Variants in PTPRN2 observed in about 807,000 individuals in gnomAD.
PTPRN2 encodes receptor-type tyrosine-protein phosphatase N2.
A neutral mutation model predicts 118.8 loss-of-function variants in PTPRN2; 74 were observed. The observed-to-expected ratio is 0.62, with a 90% CI of 0.52 to 0.76. PTPRN2 has a LOEUF of 0.76. PTPRN2 is among the 30% of genes least tolerant of loss of function. The pLI, the probability that PTPRN2 is intolerant of heterozygous loss-of-function variation, is 0.00. For synonymous variants in PTPRN2, 641 were observed against 608.0 expected, an observed-to-expected ratio of 1.05 and a Z score of -0.80; for missense variants, 1,481 against 1,394.4, an observed-to-expected ratio of 1.06 and a Z score of -0.99.
Position 157,785,741 on chromosome 7 carries a change from A to G in PTPRN2, c.1789-102804T>C, listed in dbSNP as rs1351831292. On this transcript the variant is annotated intron_variant, in intron 12 of 22. Coordinates refer to ENST00000389418, the MANE Select transcript of PTPRN2 (RefSeq NM_002847.5). The surrounding 1 kb of genome is among the most constrained non-coding windows in gnomAD (Gnocchi z 7.3). ...CCTGGGAAGCATGGCGGGAGGGGAG[A>G]AGAATCGCGATCCTTTCCAGGTACA... Among the ~76,000 whole-genome samples the G allele has an allele frequency of 1.3e-5, 2 of 152,030 alleles. No homozygotes were observed. Among genetic ancestry groups the G allele is most frequent in the Non-Finnish European group, 2.9e-5 (2 of 67,998 alleles).
At chr7:157,679,580 A>T (rs1316819420) in intron 13 of PTPRN2, among the ~76,000 whole-genome samples, 1 of 152,380 alleles carries the variant, frequency 6.6e-6, no homozygotes, top group South Asian at 2.1e-4. Flanking sequence ...AGGTGTTTGC[A>T]TTAGAAGCTA....
intron 3 of PTPRN2, among the ~76,000 whole-genome samples, chr7:158,315,590 GCA>G (rs1380150872): frequency 6.6e-6 from 1 of 152,266 alleles, no homozygotes; most frequent in African/African-American, 2.4e-5. Context: ...CCTCCTGTGA[GCA>G]GAATCTCCAG....
chr7:157,653,800 T>C (rs1245150567), intron 14 of PTPRN2, among the ~76,000 whole-genome samples: 131 of 135,696 alleles, frequency 9.7e-4, no homozygotes, highest in East Asian at 2.3e-3. Flanking sequence ...CGATGCCCGC[T>C]GCTCCCCACA....
chr7:158,535,946 A>C (rs1396147772), intron 1 of PTPRN2, among the ~76,000 whole-genome samples: 1 of 148,490 alleles, frequency 6.7e-6, no homozygotes, highest in Non-Finnish European at 1.5e-5. Flanking sequence ...ATACTAGATA[A>C]GATGAAGAAA....
In PTPRN2 at chr7:158,471,719, AC is replaced by A. The variant is rs1001666714; in HGVS notation, c.163+18015del. On this transcript the variant is annotated intron_variant, in intron 2 of 22. Coordinates refer to ENST00000389418, the MANE Select transcript of PTPRN2 (RefSeq NM_002847.5). ...ACAAAAACAAACAAACAAAAAAAAA[AC>A]CTTACTAACAAAATTGATTTCAAGC... 4.2e-4 allele frequency among the ~76,000 whole-genome samples: 60 copies of A among 143,160 alleles called. 1 individual carries two copies. Among genetic ancestry groups the A allele is most frequent in the African/African-American group, 7.2e-4 (28 of 38,690 alleles). The allele number at this position is 143,160 out of a possible 152,430, so 93.9% of individuals were successfully genotyped here.
chr7:157,662,032 T>C (rs1795915795), intron 13 of PTPRN2, among the ~76,000 whole-genome samples: 1 of 152,160 alleles, frequency 6.6e-6, no homozygotes, highest in Non-Finnish European at 1.5e-5. Flanking sequence ...TTTGGTTCTT[T>C]TCCTTGACGT....
At chr7:158,129,159 CCACA>C (rs1204050447) in intron 9 of PTPRN2, among the ~76,000 whole-genome samples, 1 of 146,500 alleles carries the variant, frequency 6.8e-6, no homozygotes, top group Admixed American at 6.8e-5. Flanking sequence ...ACACTACACA[CCACA>C]CACATACAAC....
intron 12 of PTPRN2, among the ~76,000 whole-genome samples, chr7:157,814,553 G>A (rs1806270538): frequency 7.2e-6 from 1 of 139,790 alleles, no homozygotes; most frequent in East Asian, 2.0e-4. Context: ...AGGGAGGACA[G>A]GGACGGAGGA....
rs942414863 is a variant in PTPRN2, at chr7:158,130,294, T to C, written c.1556+3383A>G. ...AATGATCCTCAAAATAAGAGGTACTTCTTCACCAAGGAAGAAATACCCGAA... is the reference window on the plus strand; with the variant it reads ...AATGATCCTCAAAATAAGAGGTACTCCTTCACCAAGGAAGAAATACCCGAA... On this transcript the variant is annotated intron_variant, in intron 9 of 22. Coordinates refer to ENST00000389418, the MANE Select transcript of PTPRN2 (RefSeq NM_002847.5). 2.0e-5 allele frequency among the ~76,000 whole-genome samples: 3 copies of C among 152,172 alleles called. No individual in the cohort carries two copies. The East Asian group carries it at 5.8e-4, about 29-fold the overall frequency.
intron 2 of PTPRN2, among the ~76,000 whole-genome samples, chr7:158,486,078 CA>C (rs1340151558): frequency 1.3e-5 from 2 of 152,184 alleles, no homozygotes; most frequent in East Asian, 3.8e-4. Context: ...ATACAAACAC[CA>C]CTGCAGAGAG....
At chr7:158,456,609 C>T (rs144912087) in intron 2 of PTPRN2, among the ~76,000 whole-genome samples, 25 of 151,104 alleles carry the variant, frequency 1.7e-4, no homozygotes, top group East Asian at 4.1e-4. Flanking sequence ...GATAACGGCA[C>T]GGACGCCATC....
Position 157,785,066 on chromosome 7 carries a change from G to A in PTPRN2, c.1789-102129C>T, listed in dbSNP as rs1214072617. 1.3e-5 allele frequency among the ~76,000 whole-genome samples: 2 copies of A among 151,992 alleles called. No homozygotes were observed. Among genetic ancestry groups the A allele is most frequent in the African/African-American group, 2.4e-5 (1 of 41,380 alleles). ...CGGCTGTTACAGCCGCTGTTTCATC[G>A]CGTCGTCATAGGAGTTGAACAAAGC... On this transcript the variant is annotated intron_variant, in intron 12 of 22. Coordinates refer to ENST00000389418, the MANE Select transcript of PTPRN2 (RefSeq NM_002847.5). This position sits in a 1 kb window ranked among gnomAD's most constrained non-coding sequence, Gnocchi z 7.3.
rs1323705555 is a variant in PTPRN2, at chr7:157,763,165, C to T, written c.1789-80228G>A. ...AACCCTCCATCAGAGCCCATGGCTGCCCACTCACAGGCACAGAGTCCATCC... is the reference window on the plus strand; with the variant it reads ...AACCCTCCATCAGAGCCCATGGCTGTCCACTCACAGGCACAGAGTCCATCC... On this transcript the variant is annotated intron_variant, in intron 12 of 22. Transcript: ENST00000389418. This position sits in a 1 kb window ranked among gnomAD's most constrained non-coding sequence, Gnocchi z 4.9. 6.6e-6 allele frequency among the ~76,000 whole-genome samples: 1 copy of T among 152,240 alleles called. No homozygotes were observed. The highest frequency in any genetic ancestry group is 2.4e-5 in the African/African-American group (1 of 41,474).
chr7:158,213,206 TTGTG>T (rs57665784), intron 3 of PTPRN2, among the ~76,000 whole-genome samples: 16,778 of 140,218 alleles, frequency 0.12, 925 homozygotes, highest in East Asian at 0.2. Flanking sequence ...GGCTCTGTGC[TTGTG>T]TGTGTGTGTG....
chr7:157,861,323 G>A lies in PTPRN2; in HGVS notation c.1788+37350C>T, dbSNP rs1051582399. Among the ~76,000 whole-genome samples, 1 of 152,222 alleles carries A rather than the reference G, an allele frequency of 6.6e-6. No homozygotes were observed. Among genetic ancestry groups the A allele is most frequent in the African/African-American group, 2.4e-5 (1 of 41,456 alleles). On this transcript the variant is annotated intron_variant, in intron 12 of 22. Transcript: ENST00000389418. This position sits in a 1 kb window ranked among gnomAD's most constrained non-coding sequence, Gnocchi z 5.8. ...AGGATGAGAGGCCTGGATTGCACCG[G>A]AAGCACCTCCGGCTGGAGCTCGGCC...
chr7:157,840,171 G>A (rs1200764537), intron 12 of PTPRN2, among the ~76,000 whole-genome samples: 17 of 148,468 alleles, frequency 1.1e-4, no homozygotes, highest in Admixed American at 1.0e-3. Context: ...GGCCCTGTGT[G>A]ACTGTGTGAC....
intron 9 of PTPRN2, among the ~76,000 whole-genome samples, chr7:158,113,642 C>T (rs1031342905): frequency 1.2e-4 from 18 of 152,146 alleles, no homozygotes; most frequent in Non-Finnish European, 2.2e-4. Context: ...AGCCTCAGAG[C>T]GCAGCTGCAC....
chr7:157,788,725 C>T (rs1227187234), intron 12 of PTPRN2, among the ~76,000 whole-genome samples: 9 of 152,118 alleles, frequency 5.9e-5, no homozygotes, highest in African/African-American at 1.2e-4. Flanking sequence ...AGGAGGCCTC[C>T]GGGGCCACCC....
chr7:158,250,168 C>A (rs536519820), intron 3 of PTPRN2, among the ~76,000 whole-genome samples: 1 of 152,152 alleles, frequency 6.6e-6, no homozygotes, highest in Non-Finnish European at 1.5e-5. Flanking sequence ...AATACTTATA[C>A]TATCAAGGAA....
Sources: allele counts gnomAD v4.1 joint callset (sites outside exome capture counted in the v4.1 genomes callset), GRCh38; gene constraint gnomAD v4.1.1; non-coding constraint Gnocchi (gnomAD v3.1); transcripts MANE v1.5; gene names NCBI Gene and HGNC (gene_info 2026-07-23, HGNC 2026-07-21).